Variants in SEMA7A observed in about 807,000 individuals in gnomAD.
The protein encoded by SEMA7A is semaphorin-7A.
SEMA7A carries 21 observed loss-of-function variants against 67.5 expected under a neutral mutation model. The ratio of observed to expected loss-of-function variants is 0.31; its 90% confidence interval spans 0.22 to 0.45. The LOEUF (loss-of-function observed/expected upper bound fraction) is 0.45, where lower values mean the gene tolerates loss of function less well. SEMA7A is among the 20% of genes least tolerant of loss of function. SEMA7A has a pLI of 1.00. For missense variants in SEMA7A, 774 were observed against 908.6 expected (o/e 0.85, Z 1.90); for synonymous variants, 364 against 368.5 (o/e 0.99, Z 0.14).
intron 2 of SEMA7A, 29 bp downstream of exon 2, chr15:74,418,772 G>C (rs988923323): frequency 6.2e-7 from 1 of 1,609,076 alleles, no homozygotes; most frequent in Admixed American, 1.7e-5. Flanking sequence ...AGAGGGTAGG[G>C]GGGGTGTTGG....
At position 74,418,933 on chromosome 15, in the gene SEMA7A, C is replaced by G; in HGVS notation, c.198G>C (p.Arg66=). 6.2e-7 allele frequency: 1 copy of G among 1,613,608 alleles called. No individual in the cohort carries two copies. The highest frequency in any genetic ancestry group is 8.5e-7 in the Non-Finnish European group (1 of 1,180,004). Residue 66 remains arginine, a synonymous_variant, in exon 2 of 14, where the codon CGG becomes CGC. Transcript: ENST00000261918. ...GCGGCTCAGTCTGGCCAAAGTCCAC[C>G]CGGTCCTGCCCTACATGGCCTGAGG... The part of the protein sequence containing the change: ...AVWKGHVGQD[R]VDFGQTEPHT...
rs746051727 is a variant in SEMA7A at position 74,416,642 on chromosome 15, C to A, written c.734G>T (p.Arg245Leu). ...AYDDKIYYFF[R>L]EDNPDKNPEA... ...AGGATTCTTGTCAGGATTGTCCTCT[C>A]GGAAGAAGTAGTAGATCTTGTCATC... Residue 245 changes from arginine to leucine, a missense_variant, in exon 7 of 14, where the codon CGA (arginine) becomes CTA (leucine). Physicochemically the swap from Arg to Leu is moderately radical, Grantham distance 102 (BLOSUM62 -2). Around this residue, in one of 2 missense-constraint regions of SEMA7A, gnomAD observed 347 missense variants for 353.2 expected, o/e 0.98. Coordinates refer to ENST00000261918, the MANE Select transcript of SEMA7A (RefSeq NM_003612.5). 1.2e-6 allele frequency: 2 copies of A among 1,614,084 alleles called. No individual in the cohort carries two copies. The highest frequency in any genetic ancestry group is 1.3e-5 in the African/African-American group (1 of 75,022).
chr15:74,431,071 G>A (rs2061084521), intron 1 of SEMA7A, among the ~76,000 whole-genome samples: 1 of 152,146 alleles, frequency 6.6e-6, no homozygotes, highest in Non-Finnish European at 1.5e-5. Context: ...GAAGAGGGGT[G>A]CACAGCTTAC....
At chr15:74,433,133 T>C (rs2061104718) in intron 1 of SEMA7A, among the ~76,000 whole-genome samples, 1 of 152,026 alleles carries the variant, frequency 6.6e-6, no homozygotes, top group Non-Finnish European at 1.5e-5. Flanking sequence ...AGCGCCCTGG[T>C]ACCCCAAGCC....
chr15:74,411,796 T>C lies in SEMA7A; in HGVS notation c.1423-86A>G. 6.2e-7 allele frequency: 1 copy of C among 1,602,748 alleles called. No homozygotes were observed. Among genetic ancestry groups the C allele is most frequent in the Non-Finnish European group, 8.5e-7 (1 of 1,175,614 alleles). ...CCAGGCCCTAAGGCCTAGAAGCTCTTAAAAGAACACACAAATCACATGCAA... is the reference window on the plus strand; with the variant it reads ...CCAGGCCCTAAGGCCTAGAAGCTCTCAAAAGAACACACAAATCACATGCAA... On this transcript the variant is annotated intron_variant, in intron 11 of 13. Transcript: ENST00000261918. The surrounding 1 kb of genome is among the most constrained non-coding windows in gnomAD (Gnocchi z 4.4).
At chr15:74,430,676 C>T (rs1387828543) in intron 1 of SEMA7A, among the ~76,000 whole-genome samples, 1 of 152,214 alleles carries the variant, frequency 6.6e-6, no homozygotes, top group Non-Finnish European at 1.5e-5. Context: ...AGGAAACTCC[C>T]CCTCTCCTCC....
chr15:74,431,605 G>C, intron 1 of SEMA7A, among the ~76,000 whole-genome samples: 1 of 152,200 alleles, frequency 6.6e-6, no homozygotes, highest in South Asian at 2.1e-4. Flanking sequence ...ACCCACCACT[G>C]GTAGACAGAG....
chr15:74,416,491 T>C, intron 7 of SEMA7A, 84 bp downstream of exon 7: 1 of 1,447,310 alleles, frequency 6.9e-7, no homozygotes, highest in Non-Finnish European at 9.5e-7. Context: ...AACTTCTACA[T>C]GCACACGGAC....
At chr15:74,425,492 C>T (rs28362888) in intron 1 of SEMA7A, among the ~76,000 whole-genome samples, 93 of 152,282 alleles carry the variant, frequency 6.1e-4, no homozygotes, top group African/African-American at 2.0e-3. Context: ...CTTCCAAGGT[C>T]AGCCCTTCCC....
chr15:74,433,046 A>G (rs917206758), intron 1 of SEMA7A, among the ~76,000 whole-genome samples: 1 of 152,054 alleles, frequency 6.6e-6, no homozygotes, highest in Non-Finnish European at 1.5e-5. Flanking sequence ...ACTGCCCCCC[A>G]ACGCTGGAGC....
chr15:74,418,752 A>C, intron 2 of SEMA7A, 49 bp downstream of exon 2: 1 of 1,591,742 alleles, frequency 6.3e-7, no homozygotes, highest in Non-Finnish European at 8.6e-7. Context: ...GCAGGGCCAG[A>C]GGGGAGATAA....
At position 74,415,924 on chromosome 15, in the gene SEMA7A, A is replaced by G; in HGVS notation, c.863T>C (p.Met288Thr). ...VSKWNTFLKA[M>T]LVCSDAATNK... is the part of the protein sequence containing the mutation. ...GGTGGCAGCATCACTGCATACCAGC[A>G]TGGCTTTCAGAAAAGTGTTCCACTT... is the stretch of plus-strand genomic sequence containing the variant. The change falls in exon 8 of 14, where the codon ATG (methionine) becomes ACG (threonine). Residue 288 changes from methionine (M) to threonine (T), a missense_variant. Coordinates refer to ENST00000261918, the MANE Select transcript of SEMA7A (RefSeq NM_003612.5). 6.2e-7 allele frequency: 1 copy of G among 1,614,146 alleles called. No homozygotes were observed. The highest frequency in any genetic ancestry group is 8.5e-7 in the Non-Finnish European group (1 of 1,179,980).
rs771556531 is a variant in SEMA7A, at chr15:74,410,731, C to T, written c.1894G>A (p.Glu632Lys). 2.5e-6 allele frequency: 4 copies of T among 1,613,764 alleles called. No individual in the cohort carries two copies. The highest frequency in any genetic ancestry group is 2.2e-5 in the East Asian group (1 of 44,896). The change falls in exon 14 of 14, where the codon GAG becomes AAG. Residue 632 changes from glutamate to lysine, a missense_variant. This residue lies in a region of SEMA7A where 427 missense variants were observed against 555.4 expected (regional missense o/e 0.77). Coordinates refer to ENST00000261918, the MANE Select transcript of SEMA7A (RefSeq NM_003612.5). This position sits in a 1 kb window ranked among gnomAD's most constrained non-coding sequence, Gnocchi z 7.5. Reference sequence around the variant, plus strand: ...AGGTGCTCGGCCATGATGCCGTCCTCGGGCAGCAGCTGCCAGTGCTGAGCC... The same window carrying T: ...AGGTGCTCGGCCATGATGCCGTCCTTGGGCAGCAGCTGCCAGTGCTGAGCC... ...REAQHWQLLPEDGIMAEHLLG... is the reference protein window; with the variant it reads ...REAQHWQLLPKDGIMAEHLLG...
chr15:74,425,954 G>A (rs2061040630), intron 1 of SEMA7A, among the ~76,000 whole-genome samples: 1 of 152,154 alleles, frequency 6.6e-6, no homozygotes, highest in African/African-American at 2.4e-5. Flanking sequence ...ACTCATGACT[G>A]CTTGCTGTAA....
At position 74,411,923 on chromosome 15, in the gene SEMA7A, C is replaced by G. The variant is rs372805316; in HGVS notation, c.1384G>C (p.Ala462Pro). Residue 462 changes from alanine (A) to proline (P), a missense_variant, in exon 11 of 14, where the codon GCG becomes CCG. Ala to Pro is a conservative substitution (Grantham distance 27). Transcript: ENST00000261918. This position sits in a 1 kb window ranked among gnomAD's most constrained non-coding sequence, Gnocchi z 4.4. ...NIMEIQPFRRAAAIQTMSLDA... is the reference protein window; with the variant it reads ...NIMEIQPFRRPAAIQTMSLDA... ...AGCGACATGGTCTGGATGGCAGCCGCGCGGCGGAAGGGCTGGATCTCCATG... is the reference window on the plus strand; with the variant it reads ...AGCGACATGGTCTGGATGGCAGCCGGGCGGCGGAAGGGCTGGATCTCCATG... The G allele has an allele frequency of 1.2e-6, 2 of 1,614,048 alleles. No individual in the cohort carries two copies. Among genetic ancestry groups the G allele is most frequent in the Non-Finnish European group, 1.7e-6 (2 of 1,180,046 alleles).
In SEMA7A at chr15:74,414,418, T is replaced by C. The variant is rs2060927450; in HGVS notation, c.1294+129A>G. Reference sequence around the variant, plus strand: ...TTCCACACCCACACACATTAACCCCTGACAACTCCAGTCACTCAATTATTC... The same window carrying C: ...TTCCACACCCACACACATTAACCCCCGACAACTCCAGTCACTCAATTATTC... On this transcript the variant is annotated intron_variant, in intron 10 of 13. Coordinates refer to ENST00000261918, the MANE Select transcript of SEMA7A (RefSeq NM_003612.5). This position sits in a 1 kb window ranked among gnomAD's most constrained non-coding sequence, Gnocchi z 4.1. 9.8e-7 allele frequency: 1 copy of C among 1,017,812 alleles called. No individual in the cohort carries two copies. Among genetic ancestry groups the C allele is most frequent in the Non-Finnish European group, 1.5e-6 (1 of 664,250 alleles). The allele number at this position is 1,017,812 out of a possible 1,614,324, so 63.0% of individuals were successfully genotyped here.
At chr15:74,416,864 C>T (rs1356587671) in intron 6 of SEMA7A, 150 bp from the exon 7 acceptor site, 3 of 829,242 alleles carry the variant, frequency 3.6e-6, no homozygotes, top group Non-Finnish European at 3.8e-6. Flanking sequence ...GTCCAACTCC[C>T]CGAGGGGCCC....
chr15:74,413,247 C>G (rs1596187721), intron 10 of SEMA7A, among the ~76,000 whole-genome samples: 2 of 152,262 alleles, frequency 1.3e-5, no homozygotes, highest in African/African-American at 2.4e-5. Context: ...TAACAGCATA[C>G]CCTTGGCAAA....
Position 74,433,848 on chromosome 15 carries a change from C to T in SEMA7A, c.71G>A (p.Arg24Gln). Residue 24 changes from arginine to glutamine, a missense_variant, in exon 1 of 14, where the codon CGG (arginine) becomes CAG (glutamine). By Grantham distance (43) the Arg-to-Gln change is conservative (BLOSUM62 1). This residue lies in a region of SEMA7A where 347 missense variants were observed against 353.2 expected (regional missense o/e 0.98). Coordinates refer to ENST00000261918, the MANE Select transcript of SEMA7A (RefSeq NM_003612.5). ...CCGCAGCCGCAGCGGAAGCCCCAAC[C>T]GAGCCGGCGGGCCAGGGACGCGGGC... is the stretch of plus-strand genomic sequence containing the variant. ...PRARVPGPPA[R>Q]LGLPLRLRLL... is the part of the protein sequence containing the mutation. 1.5e-6 allele frequency: 2 copies of T among 1,323,668 alleles called. No individual in the cohort carries two copies. The highest frequency in any genetic ancestry group is 4.3e-5 in the South Asian group (2 of 46,538). 82.0% of individuals were successfully genotyped at this position (1,323,668 alleles called of 1,614,324 possible). A position where few individuals can be genotyped will look rare whatever the true frequency, so the allele number is the denominator to read the frequency against.
Sources: allele counts gnomAD v4.1 joint callset (sites outside exome capture counted in the v4.1 genomes callset), GRCh38; gene constraint gnomAD v4.1.1; regional missense constraint gnomAD v4.1.1; non-coding constraint Gnocchi (gnomAD v3.1); transcripts MANE v1.5; gene names NCBI Gene and HGNC (gene_info 2026-07-23, HGNC 2026-07-21).